Variants in SRPRA observed in about 807,000 individuals in gnomAD.
The protein encoded by SRPRA is SRP receptor subunit alpha.
A neutral mutation model predicts 61.1 loss-of-function variants in SRPRA; 30 were observed. That is an observed-to-expected ratio of 0.49 (90% CI 0.37 to 0.67). The LOEUF (loss-of-function observed/expected upper bound fraction) is 0.67, where lower values mean the gene tolerates loss of function less well. Among genes scored for constraint, SRPRA ranks in the 30% least tolerant of loss-of-function variants. SRPRA has a pLI of 0.00. For missense variants in SRPRA, 759 were observed against 828.4 expected (o/e 0.92, Z 1.03); for synonymous variants, 324 against 299.7 (o/e 1.08, Z -0.84).
At chr11:126,266,682 A>G (rs1449197043) in intron 5 of SRPRA, 53 bp from the exon 6 acceptor site, 7 of 1,608,706 alleles carry the variant, frequency 4.4e-6, no homozygotes, top group Non-Finnish European at 8.5e-7. Context: ...GAAAGGAAAC[A>G]TGAGCCAGAG....
At chr11:126,261,485 G>A (rs1388419291), downstream of SRPRA, 1 of 1,610,112 alleles carries the variant, frequency 6.2e-7, no homozygotes, top group Admixed American at 1.7e-5. Flanking sequence ...GAAATAAGAG[G>A]TATACTGTTT....
chr11:126,268,486 G>C (rs3809004), intron 1 of SRPRA, among the ~76,000 whole-genome samples: 18,493 of 151,840 alleles, frequency 0.12, 1,178 homozygotes, highest in African/African-American at 0.15. Flanking sequence ...GGCTAGAGTT[G>C]AGACACCAGA....
In SRPRA at chr11:126,265,370, T is replaced by C; in HGVS notation, c.1209A>G (p.Val403=). ...CATCCATGATGTCCCGGAGCATGTC[T>C]ACACGACGCTGTGGCTGCAGAATCT... is the stretch of plus-strand genomic sequence containing the variant. ...LVQILQPQRR[V]DMLRDIMDAQ... The change falls in exon 10 of 14, where the codon GTA becomes GTG. Residue 403 remains valine, a synonymous_variant. Coordinates refer to ENST00000332118, the MANE Select transcript of SRPRA (RefSeq NM_003139.4). The surrounding 1 kb of genome is among the most constrained non-coding windows in gnomAD (Gnocchi z 6.3). 1 of 1,614,132 alleles carries C rather than the reference T, an allele frequency of 6.2e-7. No individual in the cohort carries two copies.
At chr11:126,268,613 G>C in intron 1 of SRPRA, 75 bp downstream of exon 1, 1 of 1,275,248 alleles carries the variant, frequency 7.8e-7, no homozygotes, top group Non-Finnish European at 1.1e-6. Context: ...GAGGAGGCGC[G>C]GAATAGAGTC....
chr11:126,254,420 A>G, the SRPRA span: 2 of 1,614,236 alleles, frequency 1.2e-6, no homozygotes, highest in Non-Finnish European at 1.7e-6. Flanking sequence ...GTGCTCAGGA[A>G]CACTGAAGTC....
At chr11:126,251,842 C>T in the SRPRA span, among the ~76,000 whole-genome samples, 1 of 151,786 alleles carries the variant, frequency 6.6e-6, no homozygotes, top group South Asian at 2.1e-4. Context: ...GCCACAACGC[C>T]CGGCTAATTT....
At chr11:126,256,217 G>C in the SRPRA span, among the ~76,000 whole-genome samples, 4 of 152,152 alleles carry the variant, frequency 2.6e-5, no homozygotes, top group African/African-American at 9.7e-5. This position sits in a 1 kb window ranked among gnomAD's most constrained non-coding sequence, Gnocchi z 6.6. Flanking sequence ...AGTAAGCCGA[G>C]GTCACACCAC....
At chr11:126,239,406 T>A in the SRPRA span, among the ~76,000 whole-genome samples, 1 of 152,246 alleles carries the variant, frequency 6.6e-6, no homozygotes, top group Non-Finnish European at 1.5e-5. Context: ...ATCTTGTGAA[T>A]CCTAGAAATT....
At chr11:126,247,150 G>A in the SRPRA span, among the ~76,000 whole-genome samples, 3 of 152,210 alleles carry the variant, frequency 2.0e-5, no homozygotes, top group African/African-American at 4.8e-5. Flanking sequence ...AAAAGTAGTC[G>A]GCGTGGTGGT....
chr11:126,253,985 C>T, the SRPRA span, among the ~76,000 whole-genome samples: 1 of 152,268 alleles, frequency 6.6e-6, no homozygotes, highest in Non-Finnish European at 1.5e-5. This position sits in a 1 kb window ranked among gnomAD's most constrained non-coding sequence, Gnocchi z 5.1. Context: ...TTTCTTGGGG[C>T]GATCACTGAA....
At chr11:126,237,544 A>T in the SRPRA span, among the ~76,000 whole-genome samples, 5 of 139,626 alleles carry the variant, frequency 3.6e-5, no homozygotes, top group African/African-American at 5.1e-5. Context: ...GGCCAATTTT[A>T]AAAAAATCTA....
chr11:126,266,335 C>CCAGAGAAAACCAG, intron 6 of SRPRA, 57 bp from the exon 7 acceptor site: 2 of 1,599,362 alleles, frequency 1.3e-6, no homozygotes, highest in Admixed American at 3.3e-5. Context: ...CTGAGGAAAA[C>CCAGAGAAAACCAG]GTCCACATTG....
chr11:126,243,196 G>A, the SRPRA span, among the ~76,000 whole-genome samples: 1 of 152,190 alleles, frequency 6.6e-6, no homozygotes, highest in Admixed American at 6.5e-5. Context: ...CAGGGCTAGA[G>A]GAAATTCTTC....
In SRPRA at chr11:126,266,573, C is replaced by T; in HGVS notation, c.743G>A (p.Trp248Ter). The T allele has an allele frequency of 6.2e-7, 1 of 1,614,208 alleles. No homozygotes were observed. The highest frequency in any genetic ancestry group is 1.3e-5 in the African/African-American group (1 of 75,060). ...KEKGKKAPRVWELGGCANKEV... is the reference protein window; with the variant it reads ...KEKGKKAPRV ...TTTGTTAGCACAGCCACCCAGTTCC[C>T]ACACCCGGGGTGCTTTTTTGCCCTT... is the stretch of plus-strand genomic sequence containing the variant. The change falls in exon 6 of 14, where the codon TGG becomes TAG. Residue 248 changes from tryptophan to a stop codon, truncating the protein, a stop_gained. Coordinates refer to ENST00000332118, the MANE Select transcript of SRPRA (RefSeq NM_003139.4). LOFTEE classifies it high-confidence loss of function.
chr11:126,241,002 C>T, the SRPRA span: 91 of 1,613,246 alleles, frequency 5.6e-5, no homozygotes, highest in Non-Finnish European at 7.1e-5. Flanking sequence ...AAGACAAGAA[C>T]CTGGTCCATG....
chr11:126,237,726 G>A, the SRPRA span, among the ~76,000 whole-genome samples: 996 of 144,620 alleles, frequency 6.9e-3, 9 homozygotes, highest in African/African-American at 0.015. Context: ...GCGTGGTGGC[G>A]CGTGCCTGTA....
At chr11:126,262,770 G>C (rs1160370447), downstream of SRPRA, 1 of 152,490 alleles carries the variant, frequency 6.6e-6, no homozygotes, top group African/African-American at 2.4e-5. Context: ...CCTTGGGGTG[G>C]AGTGATCTCA....
At chr11:126,252,851 A>T in the SRPRA span, among the ~76,000 whole-genome samples, 1 of 152,150 alleles carries the variant, frequency 6.6e-6, no homozygotes, top group South Asian at 2.1e-4. The surrounding 1 kb of genome is among the most constrained non-coding windows in gnomAD (Gnocchi z 4.7). Context: ...CCTGTCCAAC[A>T]TGGTGAAACC....
chr11:126,239,874 T>C, the SRPRA span, among the ~76,000 whole-genome samples: 1 of 152,196 alleles, frequency 6.6e-6, no homozygotes, highest in Admixed American at 6.6e-5. Context: ...AAAGCAGTTT[T>C]AGAGGCTGTG....
Sources: gnomAD v4.1 joint callset for allele counts (sites outside exome capture counted in the v4.1 genomes callset) on GRCh38, gnomAD v4.1.1 for gene constraint, Gnocchi (gnomAD v3.1) non-coding constraint, MANE v1.5 for transcripts, NCBI Gene and HGNC (gene_info 2026-07-23, HGNC 2026-07-21) for gene names.